The following CAPZA1 variants were observed in gnomAD, a reference collection of about 807,000 sequenced individuals.
CAPZA1 encodes the protein capping actin protein of muscle Z-line subunit alpha 1, also known as F-actin-capping protein subunit alpha-1.
A neutral mutation model predicts 40.8 loss-of-function variants in CAPZA1; 10 were observed. The observed-to-expected ratio is 0.25, with a 90% CI of 0.15 to 0.42. The LOEUF (loss-of-function observed/expected upper bound fraction) is 0.42. Ranked by LOEUF, CAPZA1 falls within the 10% of genes least tolerant of loss-of-function variation. CAPZA1 has a pLI of 1.00. For missense variants in CAPZA1, 277 were observed against 353.8 expected (o/e 0.78, Z 1.74); for synonymous variants, 98 against 115.0 (o/e 0.85, Z 0.95).
chr1:112,644,184 C>CTTTTTTTTTTTT lies in CAPZA1; in HGVS notation c.40-3013_40-3002dup, dbSNP rs60802838. Among the ~76,000 whole-genome samples, 25 of 56,788 alleles carry CTTTTTTTTTTTT rather than the reference C, an allele frequency of 4.4e-4. 2 individuals are homozygous for CTTTTTTTTTTTT. Among genetic ancestry groups the CTTTTTTTTTTTT allele is most frequent in the African/African-American group, 1.3e-3 (16 of 12,658 alleles). 37.3% of individuals were successfully genotyped at this position (56,788 alleles called of 152,430 possible). On this transcript the variant is annotated intron_variant, in intron 1 of 9. Transcript: ENST00000263168. Reference sequence around the variant, plus strand: ...TTTTTTTCTAATTCTCTTCTCCCAGCTTTTTTTTTTTTTTTTTTTTTTTTG... The same window carrying CTTTTTTTTTTTT: ...TTTTTTTCTAATTCTCTTCTCCCAGCTTTTTTTTTTTTTTTTTTTTTTTTTTTTTTTTTTTTG...
intron 7 of CAPZA1, among the ~76,000 whole-genome samples, chr1:112,661,211 T>C (rs1197006498): frequency 1.3e-5 from 2 of 152,226 alleles, no homozygotes; most frequent in Non-Finnish European, 2.9e-5. Flanking sequence ...TATAGCTTCC[T>C]GCAACAAGTA....
chr1:112,647,384 A>T, intron 2 of CAPZA1, 111 bp downstream of exon 2: 1 of 551,850 alleles, frequency 1.8e-6, no homozygotes, highest in South Asian at 5.6e-5. Flanking sequence ...GTAAATCAAG[A>T]TTCAAAAAAA....
chr1:112,654,476 A>G lies in CAPZA1; in HGVS notation c.231A>G (p.Thr77=). ...IEGYEDQVLI[T]EHGDLGNSRF... The stretch of plus-strand genomic sequence containing the variant: ...TGATTCTTTGGAAGGTCTTAATTAC[A>G]GAGCACGGTGACCTGGGTAATAGCA... The change falls in exon 5 of 10, where the codon ACA becomes ACG. Residue 77 remains threonine, a synonymous_variant. Coordinates refer to ENST00000263168, the MANE Select transcript of CAPZA1 (RefSeq NM_006135.3). 6.2e-7 allele frequency: 1 copy of G among 1,611,276 alleles called. No homozygotes were observed. Among genetic ancestry groups the G allele is most frequent in the South Asian group, 1.1e-5 (1 of 90,896 alleles).
chr1:112,625,030 A>C (rs1420915225), intron 1 of CAPZA1, among the ~76,000 whole-genome samples: 1 of 152,120 alleles, frequency 6.6e-6, no homozygotes, highest in African/African-American at 2.4e-5. Context: ...AGAGAACACA[A>C]CTTCATTAAT....
At chr1:112,654,097 T>C (rs1671452112) in intron 4 of CAPZA1, among the ~76,000 whole-genome samples, 1 of 152,180 alleles carries the variant, frequency 6.6e-6, no homozygotes, top group African/African-American at 2.4e-5. Context: ...GTATTACCTA[T>C]TTTAAATGCT....
Position 112,619,861 on chromosome 1 carries a change from A to G in CAPZA1, c.17A>G (p.Asp6Gly), listed in dbSNP as rs1254869830. ...CAGCCCAAGATGGCCGACTTCGATGATCGTGTGTCGGATGAGGAGAAGGTA... is the reference window on the plus strand; with the variant it reads ...CAGCCCAAGATGGCCGACTTCGATGGTCGTGTGTCGGATGAGGAGAAGGTA... MADFD[D>G]RVSDEEKVRI... The change falls in exon 1 of 10, where the codon GAT becomes GGT. Residue 6 changes from aspartate to glycine, a missense_variant. Asp to Gly is a moderately conservative substitution (Grantham distance 94). Coordinates refer to ENST00000263168, the MANE Select transcript of CAPZA1 (RefSeq NM_006135.3). 2 of 1,612,894 alleles carry G rather than the reference A, an allele frequency of 1.2e-6. No homozygotes were observed. The highest frequency in any genetic ancestry group is 2.2e-5 in the East Asian group (1 of 44,840).
At chr1:112,652,881 C>G (rs1671422232) in intron 3 of CAPZA1, among the ~76,000 whole-genome samples, 1 of 152,102 alleles carries the variant, frequency 6.6e-6, no homozygotes, top group Non-Finnish European at 1.5e-5. Flanking sequence ...AAGCTTTGGA[C>G]AAATAGTAAT....
intron 1 of CAPZA1, among the ~76,000 whole-genome samples, chr1:112,642,905 T>C (rs1671202426): frequency 6.6e-6 from 1 of 152,196 alleles, no homozygotes; most frequent in African/African-American, 2.4e-5. Flanking sequence ...AAAATATGGC[T>C]GTGGCTTTAT....
chr1:112,660,086 T>A lies in CAPZA1; in HGVS notation c.585+307T>A, dbSNP rs561246447. 2.2e-3 allele frequency among the ~76,000 whole-genome samples: 328 copies of A among 151,986 alleles called. 3 individuals carry two copies. Among genetic ancestry groups the A allele is most frequent in the Admixed American group, 3.6e-3 (55 of 15,262 alleles). ...ATTTAAAATTAATAATAATAATAAT[T>A]ATTATTTTTTGGGACAGAGTTTCAC... is the stretch of plus-strand genomic sequence containing the variant. On this transcript the variant is annotated intron_variant, in intron 7 of 9. Transcript: ENST00000263168.
At chr1:112,640,186 G>A (rs1671118581) in intron 1 of CAPZA1, among the ~76,000 whole-genome samples, 2 of 124,780 alleles carry the variant, frequency 1.6e-5, no homozygotes, top group Non-Finnish European at 3.5e-5. Flanking sequence ...CGGGAGGGAG[G>A]TGGGGGGGTC....
At chr1:112,620,169 G>A (rs987734878) in intron 1 of CAPZA1, 6 of 340,124 alleles carry the variant, frequency 1.8e-5, no homozygotes, top group African/African-American at 1.3e-4. Context: ...CGTGACTGTG[G>A]ACTTTTTTCT....
intron 5 of CAPZA1, 123 bp from the exon 6 acceptor site, chr1:112,658,899 C>T (rs1206176533): frequency 6.9e-6 from 5 of 725,712 alleles, no homozygotes; most frequent in Non-Finnish European, 1.2e-5. Flanking sequence ...CTATTGTGTT[C>T]TAAGCTCATT....
chr1:112,654,702 A>T (rs1671464892), intron 5 of CAPZA1, 31 bp downstream of exon 5: 1 of 1,459,680 alleles, frequency 6.9e-7, no homozygotes, highest in Non-Finnish European at 9.4e-7. Flanking sequence ...GTTATCAGAG[A>T]GTGTTTTCTT....
intron 1 of CAPZA1, among the ~76,000 whole-genome samples, chr1:112,640,994 G>A (rs1404620765): frequency 1.3e-5 from 2 of 152,160 alleles, no homozygotes; most frequent in Non-Finnish European, 1.5e-5. Flanking sequence ...GGTGCAAGAT[G>A]TGCTTTGTTA....
At chr1:112,647,188 T>A in intron 1 of CAPZA1, 22 bp from the exon 2 acceptor site, 1 of 1,305,218 alleles carries the variant, frequency 7.7e-7, no homozygotes, top group Non-Finnish European at 1.1e-6. Flanking sequence ...TTCTCCTAAG[T>A]GTAAATTTTG....
chr1:112,632,573 G>A (rs1200120403), intron 1 of CAPZA1, among the ~76,000 whole-genome samples: 1 of 152,144 alleles, frequency 6.6e-6, no homozygotes, highest in African/African-American at 2.4e-5. Flanking sequence ...TGTGGGGCAG[G>A]GAGGCGGGGT....
At chr1:112,640,216 C>T (rs1570709231) in intron 1 of CAPZA1, among the ~76,000 whole-genome samples, 2 of 115,882 alleles carry the variant, frequency 1.7e-5, no homozygotes, top group Admixed American at 8.1e-5. Context: ...CCCGGCCAGC[C>T]GCCCCGTCCG....
chr1:112,654,319 A>G, intron 4 of CAPZA1, 146 bp from the exon 5 acceptor site: 3 of 591,182 alleles, frequency 5.1e-6, no homozygotes, highest in Non-Finnish European at 9.2e-6. Context: ...TCTTAATAAT[A>G]CGGGACTTGG....
At chr1:112,624,605 CAAAAAAAAAAA>C (rs34860716) in intron 1 of CAPZA1, among the ~76,000 whole-genome samples, 39 of 55,838 alleles carry the variant, frequency 7.0e-4, no homozygotes, top group African/African-American at 9.0e-4. Context: ...AAAACTCCAT[CAAAAAAAAAAA>C]AAAAAAAAAA....
Sources: allele counts gnomAD v4.1 joint callset (sites outside exome capture counted in the v4.1 genomes callset), GRCh38; gene constraint gnomAD v4.1.1; transcripts MANE v1.5; gene names NCBI Gene and HGNC (gene_info 2026-07-23, HGNC 2026-07-21).